The following N4BP2L2 variants were observed in gnomAD, a reference collection of about 807,000 sequenced individuals.
N4BP2L2 encodes the protein NEDD4 binding protein 2 like 2, also known as NEDD4-binding protein 2-like 2.
Under a neutral mutation model 56.2 loss-of-function variants are expected in N4BP2L2, and 50 were observed. That is an observed-to-expected ratio of 0.89 (90% CI 0.71 to 1.13). The LOEUF (loss-of-function observed/expected upper bound fraction) is 1.13. Ranked by LOEUF, N4BP2L2 falls within the 50% of genes most tolerant of loss-of-function variation. The probability of loss-of-function intolerance (pLI) is 0.00; values close to 1 mark genes in which losing one functional copy is unlikely to be tolerated. For synonymous variants in N4BP2L2, 203 were observed against 223.6 expected (o/e 0.91, Z 0.82); for missense variants, 689 against 693.8 (o/e 0.99, Z 0.08).
At chr13:32,467,161 C>T (rs939443073) in intron 6 of N4BP2L2, among the ~76,000 whole-genome samples, 1 of 151,940 alleles carries the variant, frequency 6.6e-6, no homozygotes, top group African/African-American at 2.4e-5. Flanking sequence ...AATATATCTG[C>T]TAGAGATAAC....
chr13:32,444,431 A>AT (rs1445673768), intron 6 of N4BP2L2, among the ~76,000 whole-genome samples: 2 of 151,786 alleles, frequency 1.3e-5, no homozygotes, highest in African/African-American at 4.8e-5. Context: ...CGCTTGTCTA[A>AT]TTTTTTTGTA....
intron 6 of N4BP2L2, chr13:32,478,579 T>C (rs2083865416): frequency 1.3e-5 from 2 of 154,282 alleles, no homozygotes; most frequent in Non-Finnish European, 2.9e-5. Context: ...AGAATGTCTC[T>C]AATTGTCTGA....
intron 6 of N4BP2L2, among the ~76,000 whole-genome samples, chr13:32,500,021 A>C (rs1052313907): frequency 1.3e-5 from 2 of 152,166 alleles, no homozygotes; most frequent in Non-Finnish European, 2.9e-5. Context: ...TGCTGACTGA[A>C]CTTTTTTCCC....
intron 3 of N4BP2L2, chr13:32,522,850 T>G (rs1173938426): frequency 6.6e-6 from 1 of 152,226 alleles, no homozygotes; most frequent in Non-Finnish European, 1.5e-5. Flanking sequence ...TTATCTGTAT[T>G]TTCTAATTTT....
chr13:32,450,148 C>A (rs2077685927), intron 6 of N4BP2L2, among the ~76,000 whole-genome samples: 1 of 152,048 alleles, frequency 6.6e-6, no homozygotes, highest in Non-Finnish European at 1.5e-5. Flanking sequence ...GGCCATAAAG[C>A]TAGACCTCCA....
intron 4 of N4BP2L2, 122 bp downstream of exon 4, chr13:32,522,060 A>C (rs2051120787): frequency 1.5e-6 from 1 of 669,530 alleles, no homozygotes; most frequent in Non-Finnish European, 2.6e-6. Flanking sequence ...GCAAACCAAC[A>C]AACCTCTTTA....
chr13:32,466,332 C>T (rs1345135037), intron 6 of N4BP2L2, among the ~76,000 whole-genome samples: 2 of 151,890 alleles, frequency 1.3e-5, no homozygotes, highest in African/African-American at 2.4e-5. Flanking sequence ...TTTGGGAGGC[C>T]GAGGCAGGCA....
exon 2 of N4BP2L2, chr13:32,536,652 G>C (rs1252756225): frequency 1.2e-6 from 2 of 1,613,746 alleles, no homozygotes. Context: ...TTGTAAATGG[G>C]TCCTATAAAT....
intron 7 of N4BP2L2, among the ~76,000 whole-genome samples, chr13:32,440,337 C>G (rs182904603): frequency 2.7e-4 from 41 of 152,304 alleles, no homozygotes; most frequent in African/African-American, 9.6e-4. Context: ...AAAATTGGAG[C>G]TTTGGCCTCT....
At position 32,490,676 on chromosome 13, in the gene N4BP2L2, GGAGAT is replaced by G. The variant is rs59602884; in HGVS notation, c.365+27176_365+27180del. ...CCCCAACCTTTTTGGGGGTGGTTTC[GGAGAT>G]GAAACTGTTCCACCTCAGATGATCA... On this transcript the variant is annotated intron_variant, in intron 6 of 9. Coordinates refer to the N4BP2L2 transcript ENST00000357505. 9.1e-3 allele frequency among the ~76,000 whole-genome samples: 1,385 copies of G among 152,220 alleles called. 25 individuals are homozygous for G. The highest frequency in any genetic ancestry group is 0.032 in the African/African-American group (1,334 of 41,536).
At chr13:32,458,090 G>A (rs1350233897) in intron 6 of N4BP2L2, among the ~76,000 whole-genome samples, 1 of 150,958 alleles carries the variant, frequency 6.6e-6, no homozygotes, top group Non-Finnish European at 1.5e-5. Flanking sequence ...TTGAGACAGA[G>A]ACTTTGCTCT....
At chr13:32,441,735 ATAT>A (rs1412224440) in intron 7 of N4BP2L2, among the ~76,000 whole-genome samples, 4 of 145,644 alleles carry the variant, frequency 2.7e-5, no homozygotes, top group African/African-American at 1.0e-4. Flanking sequence ...AAATAAATAA[ATAT>A]AAAAAAAGAA....
chr13:32,452,354 C>A (rs1373181088), intron 6 of N4BP2L2, among the ~76,000 whole-genome samples: 1 of 151,888 alleles, frequency 6.6e-6, no homozygotes, highest in Non-Finnish European at 1.5e-5. Context: ...AGCCACTGCG[C>A]CCAGCCAGCA....
intron 6 of N4BP2L2, among the ~76,000 whole-genome samples, chr13:32,476,209 T>A (rs2083293485): frequency 6.6e-6 from 1 of 152,222 alleles, no homozygotes; most frequent in South Asian, 2.1e-4. Context: ...AAACATTTGA[T>A]GAACCAGATG....
At chr13:32,496,210 T>A (rs184451141) in intron 6 of N4BP2L2, among the ~76,000 whole-genome samples, 1,861 of 151,896 alleles carry the variant, frequency 0.012, 17 homozygotes, top group Non-Finnish European at 0.022. Flanking sequence ...TTTTTATTTT[T>A]TTTTTTTTAC....
At chr13:32,438,644 A>C in intron 8 of N4BP2L2, 1 of 1,583,782 alleles carries the variant, frequency 6.3e-7, no homozygotes, top group Non-Finnish European at 8.7e-7. Context: ...ACACACACAC[A>C]TATATACCTC....
chr13:32,515,423 T>C (rs898428845), exon 6 of N4BP2L2: 1 of 152,118 alleles, frequency 6.6e-6, no homozygotes, highest in African/African-American at 2.4e-5. Context: ...CCAGCCCACG[T>C]AGCAGGACAA....
At chr13:32,474,550 C>T (rs935318668) in intron 6 of N4BP2L2, among the ~76,000 whole-genome samples, 7 of 151,454 alleles carry the variant, frequency 4.6e-5, no homozygotes, top group South Asian at 2.1e-4. Flanking sequence ...AAAAATTAGC[C>T]GGGCATGGTG....
chr13:32,450,281 A>G (rs983895581), intron 6 of N4BP2L2, among the ~76,000 whole-genome samples: 4 of 152,144 alleles, frequency 2.6e-5, no homozygotes, highest in Non-Finnish European at 5.9e-5. Context: ...ATTATAATGG[A>G]AATACTTAGA....
Sources: gnomAD v4.1 joint callset for allele counts (sites outside exome capture counted in the v4.1 genomes callset) on GRCh38, gnomAD v4.1.1 for gene constraint, MANE v1.5 for transcripts, NCBI Gene and HGNC (gene_info 2026-07-23, HGNC 2026-07-21) for gene names.